The following PLPPR1 variants were observed in gnomAD, a reference collection of about 807,000 sequenced individuals.
The protein encoded by PLPPR1 is phospholipid phosphatase related 1, also known as phospholipid phosphatase-related protein type 1.
PLPPR1 carries 10 observed loss-of-function variants against 33.1 expected under a neutral mutation model. The ratio of observed to expected loss-of-function variants is 0.30; its 90% CI spans 0.19 to 0.51. PLPPR1 has a LOEUF of 0.51. PLPPR1 is among the 20% of genes least tolerant of loss of function. PLPPR1 has a pLI of 0.97. For synonymous variants in PLPPR1, 151 were observed against 151.0 expected (o/e 1.00, Z 0.00); for missense variants, 304 against 408.1 (o/e 0.74, Z 2.20).
intron 2 of PLPPR1, among the ~76,000 whole-genome samples, chr9:101,203,475 C>T (rs1826527924): frequency 6.6e-6 from 1 of 152,068 alleles, no homozygotes; most frequent in Non-Finnish European, 1.5e-5. Flanking sequence ...GAAGAAATCA[C>T]TTTGAAGCTT....
At chr9:101,186,979 A>G (rs995742124) in intron 2 of PLPPR1, among the ~76,000 whole-genome samples, 1 of 151,916 alleles carries the variant, frequency 6.6e-6, no homozygotes, top group African/African-American at 2.4e-5. Context: ...AACTTGCTAT[A>G]CGATGCCAAA....
chr9:101,142,021 A>G lies in PLPPR1; in HGVS notation c.-45-43429A>G, dbSNP rs144153143. Among the ~76,000 whole-genome samples, 39 of 152,278 alleles carry G rather than the reference A, an allele frequency of 2.6e-4. No homozygotes were observed. In the East Asian group the frequency reaches 6.8e-3, roughly 26 times the overall value. On this transcript the variant is annotated intron_variant, in intron 1 of 7. Coordinates refer to ENST00000374874, the MANE Select transcript of PLPPR1 (RefSeq NM_207299.2). ...TCCCTGTTCAGCCAATCTACTTTTT[A>G]TCTTCCAGTGTCTAGTCCAAACCAT...
intron 2 of PLPPR1, among the ~76,000 whole-genome samples, chr9:101,219,919 G>A (rs543933369): frequency 6.6e-5 from 10 of 152,322 alleles, no homozygotes; most frequent in South Asian, 4.1e-4. Context: ...TGGTGTTACC[G>A]TCTTATGTAC....
chr9:101,286,395 A>T (rs993339650), intron 4 of PLPPR1, among the ~76,000 whole-genome samples, 159 bp downstream of exon 4: 11 of 152,182 alleles, frequency 7.2e-5, no homozygotes, highest in African/African-American at 2.7e-4. Context: ...TTGACTCTCG[A>T]AATGGTACTT....
At chr9:101,126,509 G>A (rs981919212) in intron 1 of PLPPR1, among the ~76,000 whole-genome samples, 2 of 152,158 alleles carry the variant, frequency 1.3e-5, no homozygotes, top group Admixed American at 1.3e-4. Context: ...GTTTGTAAGG[G>A]CACTGACTGT....
At chr9:101,073,090 T>C (rs1830499489) in intron 1 of PLPPR1, among the ~76,000 whole-genome samples, 1 of 152,038 alleles carries the variant, frequency 6.6e-6, no homozygotes, top group Non-Finnish European at 1.5e-5. Context: ...CAAAGACAAT[T>C]GGAGAGGAAT....
chr9:101,092,681 G>A (rs963039691), intron 1 of PLPPR1, among the ~76,000 whole-genome samples: 12 of 152,028 alleles, frequency 7.9e-5, no homozygotes, highest in African/African-American at 1.7e-4. Context: ...TCCAGATCTC[G>A]GCTCAGGGCT....
chr9:101,150,269 G>A (rs188545537), intron 1 of PLPPR1, among the ~76,000 whole-genome samples: 8 of 151,986 alleles, frequency 5.3e-5, no homozygotes, highest in Admixed American at 2.6e-4. Context: ...TTATCTGATG[G>A]TTCTTTTTCT....
chr9:101,263,806 G>A (rs1450198729), intron 2 of PLPPR1, among the ~76,000 whole-genome samples: 1 of 152,152 alleles, frequency 6.6e-6, no homozygotes, highest in Non-Finnish European at 1.5e-5. Context: ...CCATGGTTGG[G>A]CAGATGAAGA....
chr9:101,071,146 G>A (rs1247295731), intron 1 of PLPPR1, among the ~76,000 whole-genome samples: 2 of 152,102 alleles, frequency 1.3e-5, no homozygotes, highest in African/African-American at 2.4e-5. Context: ...ATGTCAGCCT[G>A]CCCTAAGAGA....
chr9:101,216,531 TTAATG>T (rs1204261463), intron 2 of PLPPR1, among the ~76,000 whole-genome samples: 1 of 152,196 alleles, frequency 6.6e-6, no homozygotes, highest in African/African-American at 2.4e-5. Flanking sequence ...GCTTTTTAGA[TTAATG>T]TGATCCCATT....
At chr9:101,049,133 A>G (rs980498211) in intron 1 of PLPPR1, among the ~76,000 whole-genome samples, 1 of 152,212 alleles carries the variant, frequency 6.6e-6, no homozygotes, top group African/African-American at 2.4e-5. Flanking sequence ...CACACTTTGA[A>G]CACTGCAGAC....
At chr9:101,235,924 G>A (rs1255106941) in intron 2 of PLPPR1, among the ~76,000 whole-genome samples, 1 of 151,760 alleles carries the variant, frequency 6.6e-6, no homozygotes, top group African/African-American at 2.4e-5. Flanking sequence ...TTTTAAAGAT[G>A]TCAGCAGAGC....
intron 2 of PLPPR1, among the ~76,000 whole-genome samples, chr9:101,261,073 C>T (rs1827890310): frequency 6.6e-6 from 1 of 152,126 alleles, no homozygotes; most frequent in African/African-American, 2.4e-5. Flanking sequence ...TTTTTATATA[C>T]ATCATGTCAT....
intron 1 of PLPPR1, among the ~76,000 whole-genome samples, chr9:101,051,878 T>C (rs1261221618): frequency 6.6e-6 from 1 of 152,216 alleles, no homozygotes; most frequent in African/African-American, 2.4e-5. Context: ...TGCCTACATA[T>C]AGTTTTCTTC....
chr9:101,199,903 T>C (rs1826463456), intron 2 of PLPPR1, among the ~76,000 whole-genome samples: 1 of 152,172 alleles, frequency 6.6e-6, no homozygotes, highest in African/African-American at 2.4e-5. Context: ...GATTTGCATT[T>C]TATAAGTTTT....
intron 6 of PLPPR1, 99 bp downstream of exon 6, chr9:101,313,073 C>T (rs924025992): frequency 1.9e-6 from 2 of 1,034,344 alleles, no homozygotes; most frequent in African/African-American, 1.6e-5. Context: ...TTCCTTTCGT[C>T]CCAACCTTGT....
intron 2 of PLPPR1, among the ~76,000 whole-genome samples, chr9:101,198,215 TA>T (rs1193926614): frequency 6.6e-6 from 1 of 152,142 alleles, no homozygotes; most frequent in Non-Finnish European, 1.5e-5. Flanking sequence ...TGTACATCAG[TA>T]AACAATCTGT....
At chr9:101,046,814 CTTAGT>C (rs1458811725) in intron 1 of PLPPR1, among the ~76,000 whole-genome samples, 1 of 152,102 alleles carries the variant, frequency 6.6e-6, no homozygotes, top group African/African-American at 2.4e-5. Context: ...CTCTTATTCC[CTTAGT>C]TTATTCTTGC....
Sources: allele counts gnomAD v4.1 joint callset (sites outside exome capture counted in the v4.1 genomes callset), GRCh38; gene constraint gnomAD v4.1.1; transcripts MANE v1.5; gene names NCBI Gene and HGNC (gene_info 2026-07-23, HGNC 2026-07-21).